FRMD4A: variants seen among roughly 807,000 people sequenced by gnomAD.
FRMD4A encodes the protein FERM domain containing 4A, also known as FERM domain-containing protein 4A.
Under a neutral mutation model 129.1 loss-of-function variants are expected in FRMD4A, and 29 were observed. That is an observed-to-expected ratio of 0.22 (90% CI 0.17 to 0.31). The LOEUF (loss-of-function observed/expected upper bound fraction) is 0.31, where lower values mean the gene tolerates loss of function less well. FRMD4A is among the 10% of genes least tolerant of loss of function. The pLI is 1.00. For missense variants in FRMD4A, 1,272 were observed against 1,375.8 expected (o/e 0.92, Z 1.19); for synonymous variants, 634 against 571.6 (o/e 1.11, Z -1.56).
chr10:14,005,517 G>A (rs1013647475), intron 2 of FRMD4A, among the ~76,000 whole-genome samples: 6 of 152,142 alleles, frequency 3.9e-5, no homozygotes, highest in African/African-American at 1.2e-4. Flanking sequence ...TGTCGAACCT[G>A]GGCACCTAAG....
At chr10:14,067,317 CA>C (rs998584940) in intron 2 of FRMD4A, among the ~76,000 whole-genome samples, 38 of 149,236 alleles carry the variant, frequency 2.5e-4, no homozygotes, top group Non-Finnish European at 4.2e-4. Flanking sequence ...GACTCCCTCT[CA>C]AAAAAAAATT....
chr10:14,168,513 A>G (rs1841309118), intron 2 of FRMD4A, among the ~76,000 whole-genome samples: 1 of 152,162 alleles, frequency 6.6e-6, no homozygotes, highest in African/African-American at 2.4e-5. Flanking sequence ...AGCACACTTG[A>G]CAGGGGTTTT....
At chr10:13,661,812 ACAAC>A (rs148170757) in intron 19 of FRMD4A, among the ~76,000 whole-genome samples, 2,793 of 152,234 alleles carry the variant, frequency 0.018, 23 homozygotes, top group Middle Eastern at 0.034. Context: ...AGCAAACCTT[ACAAC>A]CAACCAACTA....
At chr10:14,067,319 A>G (rs957007722) in intron 2 of FRMD4A, among the ~76,000 whole-genome samples, 10 of 151,880 alleles carry the variant, frequency 6.6e-5, no homozygotes, top group African/African-American at 1.9e-4. Flanking sequence ...CTCCCTCTCA[A>G]AAAAAAATTA....
At chr10:13,720,300 C>G (rs926494193) in intron 12 of FRMD4A, among the ~76,000 whole-genome samples, 2 of 152,246 alleles carry the variant, frequency 1.3e-5, no homozygotes, top group African/African-American at 4.8e-5. Context: ...CCGCCCACCT[C>G]AGCCTCCCAA....
In FRMD4A at chr10:14,128,003, TCTTTCTTTCTTC is replaced by T. The variant is rs1259872691; in HGVS notation, c.45+202043_45+202054del. On this transcript the variant is annotated intron_variant, in intron 2 of 24. Coordinates refer to ENST00000357447, the MANE Select transcript of FRMD4A (RefSeq NM_018027.5). ...CCTTCTCTCTCTCTCTCTCTCTCTTTCTTTCTTTCTTCCTTCCTTCCTTCCTTCCTTCCTTTC... is the reference window on the plus strand; with the variant it reads ...CCTTCTCTCTCTCTCTCTCTCTCTTTCTTCCTTCCTTCCTTCCTTCCTTTC... Among the ~76,000 whole-genome samples the T allele has an allele frequency of 5.7e-3, 460 of 80,532 alleles. 24 individuals are homozygous for T. The highest frequency in any genetic ancestry group is 0.031 in the African/African-American group (443 of 14,218). 52.8% of individuals were successfully genotyped at this position (80,532 alleles called of 152,430 possible).
chr10:14,151,048 T>C (rs980169705), intron 2 of FRMD4A, among the ~76,000 whole-genome samples: 4 of 152,214 alleles, frequency 2.6e-5, no homozygotes, highest in Admixed American at 6.5e-5. Flanking sequence ...TAAAATTCCT[T>C]GACTTCTTGA....
At chr10:13,794,459 T>C (rs959358572) in intron 5 of FRMD4A, among the ~76,000 whole-genome samples, 3 of 150,340 alleles carry the variant, frequency 2.0e-5, no homozygotes, top group Non-Finnish European at 3.0e-5. Context: ...ATGTGTAGCC[T>C]ATGTGACTGA....
chr10:14,176,927 C>T (rs1009811114), intron 2 of FRMD4A, among the ~76,000 whole-genome samples: 1 of 152,216 alleles, frequency 6.6e-6, no homozygotes, highest in Non-Finnish European at 1.5e-5. Flanking sequence ...TGGCCCTGAA[C>T]CATTAAAACG....
chr10:14,134,741 G>C (rs1382580550), intron 2 of FRMD4A, among the ~76,000 whole-genome samples: 1 of 152,144 alleles, frequency 6.6e-6, no homozygotes, highest in African/African-American at 2.4e-5. Flanking sequence ...GTGGATGGGT[G>C]AGTGGATGGA....
chr10:13,915,442 G>C lies in FRMD4A; in HGVS notation c.46-56530C>G, dbSNP rs368247571. On this transcript the variant is annotated intron_variant, in intron 2 of 24. Transcript: ENST00000357447. Reference sequence around the variant, plus strand: ...AATCCCAGCACTTTGGGAGGCTGAGGCGGGCGGATCACAAGGTCAGGAGAT... The same window carrying C: ...AATCCCAGCACTTTGGGAGGCTGAGCCGGGCGGATCACAAGGTCAGGAGAT... Among the ~76,000 whole-genome samples, 1,349 of 152,082 alleles carry C rather than the reference G, an allele frequency of 8.9e-3. 18 individuals are homozygous for C. Among genetic ancestry groups the C allele is most frequent in the South Asian group, 0.039 (185 of 4,770 alleles).
chr10:13,879,935 C>T (rs1043088850), intron 2 of FRMD4A, among the ~76,000 whole-genome samples: 1 of 151,912 alleles, frequency 6.6e-6, no homozygotes, highest in African/African-American at 2.4e-5. Context: ...TGTGAGCCAC[C>T]ACGCTTGGCT....
intron 2 of FRMD4A, among the ~76,000 whole-genome samples, chr10:14,039,561 T>C (rs1833698093): frequency 6.6e-6 from 1 of 151,866 alleles, no homozygotes; most frequent in African/African-American, 2.4e-5. Context: ...AAGGGAAAAA[T>C]CAAGCTGGGA....
intron 15 of FRMD4A, among the ~76,000 whole-genome samples, chr10:13,676,182 A>G (rs1181340374): frequency 1.3e-5 from 2 of 152,114 alleles, no homozygotes; most frequent in African/African-American, 4.8e-5. Flanking sequence ...GAGTGAAGCT[A>G]TTGTACTTTT....
intron 12 of FRMD4A, among the ~76,000 whole-genome samples, chr10:13,725,773 T>G (rs1237064423): frequency 1.3e-5 from 2 of 152,238 alleles, no homozygotes; most frequent in Non-Finnish European, 2.9e-5. Context: ...TGTTTGCTTT[T>G]CGAGGCCATC....
chr10:13,740,827 GT>G (rs1344632416), intron 9 of FRMD4A, among the ~76,000 whole-genome samples: 9 of 136,608 alleles, frequency 6.6e-5, no homozygotes, highest in African/African-American at 1.7e-4. Context: ...TTGGATGTTT[GT>G]TTTTTTTTTT....
chr10:14,203,602 C>T (rs1243291611), intron 2 of FRMD4A, among the ~76,000 whole-genome samples: 2 of 152,158 alleles, frequency 1.3e-5, no homozygotes, highest in South Asian at 2.1e-4. Context: ...TACTTTCTTA[C>T]AGCCTTCATT....
intron 2 of FRMD4A, chr10:14,083,767 T>A (rs1272671956): frequency 2.0e-5 from 3 of 152,140 alleles, no homozygotes; most frequent in Non-Finnish European, 4.4e-5. Context: ...AGGCCAACGA[T>A]TGCAAAAGAC....
At chr10:13,782,832 A>G (rs1340510053) in intron 6 of FRMD4A, 90 bp downstream of exon 6, 8 of 744,992 alleles carry the variant, frequency 1.1e-5, no homozygotes, top group Non-Finnish European at 2.0e-5. Flanking sequence ...CTAATCAATA[A>G]AATGGCCTAA....
Sources: allele counts gnomAD v4.1 joint callset (sites outside exome capture counted in the v4.1 genomes callset), GRCh38; gene constraint gnomAD v4.1.1; transcripts MANE v1.5; gene names NCBI Gene and HGNC (gene_info 2026-07-23, HGNC 2026-07-21).